REELD1: variants seen among roughly 807,000 people sequenced by gnomAD.
REELD1 encodes the protein reelin domain-containing protein 1.
REELD1 carries 12 observed loss-of-function variants against 6.3 expected under a neutral mutation model. The ratio of observed to expected loss-of-function variants is 1.89; its 90% confidence interval spans 1.21 to 3.07. The LOEUF (loss-of-function observed/expected upper bound fraction) is 3.07. Ranked by LOEUF, REELD1 falls within the 30% of genes most tolerant of loss-of-function variation. The pLI, the probability that REELD1 is intolerant of heterozygous loss-of-function variation, is 0.00. For missense variants in REELD1, 163 were observed against 86.8 expected, an observed-to-expected ratio of 1.88 and a Z score of -3.49; for synonymous variants, 57 against 33.6, an observed-to-expected ratio of 1.70 and a Z score of -2.42.
rs141742943 is a variant in REELD1 at position 146,220,525 on chromosome 4, C to T, written c.209-1832C>T. Among the ~76,000 whole-genome samples the T allele has an allele frequency of 4.5e-3, 679 of 152,254 alleles. 1 individual carries two copies. Among genetic ancestry groups the T allele is most frequent in the African/African-American group, 0.015 (636 of 41,570 alleles). On this transcript the variant is annotated intron_variant, in intron 3 of 7. Transcript: ENST00000623665. ...AGTTTCTGCTTTGGGTGAAGCCATT[C>T]AATGACATCATCTAGATCCTAAGAT...
rs1388411577 is a variant in REELD1, at chr4:146,224,525, C to G, written c.512C>G (p.Ala171Gly). 1.4e-6 allele frequency: 1 copy of G among 701,702 alleles called. No individual in the cohort carries two copies. Among genetic ancestry groups the G allele is most frequent in the Non-Finnish European group, 2.6e-6 (1 of 384,832 alleles). The allele number at this position is 701,702 out of a possible 1,614,324, so 43.5% of individuals were successfully genotyped here. The change falls in exon 5 of 8, where the codon GCC (alanine) becomes GGC (glycine). Residue 171 changes from alanine (A) to glycine (G), a missense_variant. Ala to Gly is a moderately conservative substitution (Grantham distance 60, BLOSUM62 0). Coordinates refer to ENST00000623665, the MANE Select transcript of REELD1 (RefSeq NM_001354631.1). ...GTGTCTCAACAGACACATAGCAGCG[C>G]CCATTCTGACGACCGCATGGAGCCC... is the stretch of plus-strand genomic sequence containing the variant. Reference protein sequence around the residue: ...SVVSQQTHSSAHSDDRMEPRL... With the variant: ...SVVSQQTHSSGHSDDRMEPRL...
intron 6 of REELD1, 101 bp from the exon 7 acceptor site, chr4:146,228,924 G>GT: frequency 1.5e-6 from 1 of 675,152 alleles, no homozygotes; most frequent in Non-Finnish European, 2.7e-6. Context: ...AGTTTTTCAA[G>GT]TGAATCTGTT....
rs1731124531 is a variant in REELD1 at position 146,231,116 on chromosome 4, CAA to C, written c.*605_*606del. On this transcript the variant is annotated 3_prime_UTR_variant, in exon 8 of 8. Transcript: ENST00000623665. The stretch of plus-strand genomic sequence containing the variant: ...GGCAAATCCGCCATGGAAATTGATC[CAA>C]AGTCAGGAAAGTTTTTGAGAGCTTG... Among the ~76,000 whole-genome samples the C allele has an allele frequency of 6.6e-6, 1 of 152,188 alleles. No individual in the cohort carries two copies. Among genetic ancestry groups the C allele is most frequent in the Admixed American group, 6.5e-5 (1 of 15,286 alleles).
rs1396473025 is a variant in REELD1 at position 146,231,596 on chromosome 4, G to A, written c.*1083G>A. Reference sequence around the variant, plus strand: ...CCTATTATAGAGTCATCATTTTAATGCAGAAACAAAAATCACTACAAATTC... The same window carrying A: ...CCTATTATAGAGTCATCATTTTAATACAGAAACAAAAATCACTACAAATTC... On this transcript the variant is annotated 3_prime_UTR_variant, in exon 8 of 8. Transcript: ENST00000623665. 6.6e-6 allele frequency among the ~76,000 whole-genome samples: 1 copy of A among 152,136 alleles called. No individual in the cohort carries two copies. The highest frequency in any genetic ancestry group is 1.9e-4 in the East Asian group (1 of 5,196).
rs749141433 is a variant in REELD1, at chr4:146,216,823, A to G, written c.-11-119A>G. 2.8e-5 allele frequency: 11 copies of G among 397,382 alleles called. 1 individual carries two copies. The highest frequency in any genetic ancestry group is 2.7e-5 in the Non-Finnish European group (6 of 225,908). 24.6% of individuals were successfully genotyped at this position (397,382 alleles called of 1,614,324 possible). A position where few individuals can be genotyped will look rare whatever the true frequency, so the allele number is the denominator to read the frequency against. On this transcript the variant is annotated intron_variant, in intron 2 of 7. Coordinates refer to ENST00000623665, the MANE Select transcript of REELD1 (RefSeq NM_001354631.1). ...AACATTAGCAATCCTGGGAGGCTGC[A>G]CTAAAAGCATCTCAGGTACAGAGGC...
chr4:146,223,264 GGTA>G (rs1730957116), intron 4 of REELD1, among the ~76,000 whole-genome samples: 1 of 152,320 alleles, frequency 6.6e-6, no homozygotes, highest in African/African-American at 2.4e-5. Context: ...TGCAGGCAGA[GGTA>G]GTCCAGCTCA....
rs951537359 is a variant in REELD1 at position 146,230,381 on chromosome 4, G to T, written c.1449G>T (p.Ser483=). Residue 483 remains serine, a synonymous_variant, in exon 8 of 8, where the codon TCG becomes TCT. Transcript: ENST00000623665. ...AAGTGTCTTTCAGTGAGCCCGCTTC[G>T]GATGCTGTTGCCAGGAGCAACAGTG... ...QTEVSFSEPA[S]DAVARSNSGE... is the part of the protein sequence containing the mutation. The T allele has an allele frequency of 5.0e-6, 2 of 398,656 alleles. No homozygotes were observed. Among genetic ancestry groups the T allele is most frequent in the Middle Eastern group, 6.2e-4 (1 of 1,610 alleles). 24.7% of individuals were successfully genotyped at this position (398,656 alleles called of 1,614,324 possible). A position where few individuals can be genotyped will look rare whatever the true frequency, so the allele number is the denominator to read the frequency against.
At chr4:146,214,843 T>A (rs1432855903) in intron 1 of REELD1, 149 bp downstream of exon 1, 4 of 151,516 alleles carry the variant, frequency 2.6e-5, no homozygotes, top group Admixed American at 2.0e-4. Flanking sequence ...CATGCTCAGC[T>A]CCAAGTGGAT....
chr4:146,222,526 C>A lies in REELD1; in HGVS notation c.378C>A (p.Asn126Lys), dbSNP rs912549557. Reference sequence around the variant, plus strand: ...ACTCTGACAAGTCCCTGAAGAGAAACCTGTCATTCGTGTGGAAGGCCCCAG... The same window carrying A: ...ACTCTGACAAGTCCCTGAAGAGAAAACTGTCATTCGTGTGGAAGGCCCCAG... Reference protein sequence around the residue: ...VTHSDKSLKRNLSFVWKAPAQ... With the variant: ...VTHSDKSLKRKLSFVWKAPAQ... The change falls in exon 4 of 8, where the codon AAC becomes AAA. Residue 126 changes from asparagine to lysine, a missense_variant. Coordinates refer to ENST00000623665, the MANE Select transcript of REELD1 (RefSeq NM_001354631.1). The A allele has an allele frequency of 2.5e-6, 1 of 398,494 alleles. No individual in the cohort carries two copies. Among genetic ancestry groups the A allele is most frequent in the African/African-American group, 2.1e-5 (1 of 48,630 alleles). The allele number at this position is 398,494 out of a possible 1,614,324, so 24.7% of individuals were successfully genotyped here. A position where few individuals can be genotyped will look rare whatever the true frequency, so the allele number is the denominator to read the frequency against.
chr4:146,216,459 A>C (rs1185285509), intron 2 of REELD1, among the ~76,000 whole-genome samples: 1 of 152,210 alleles, frequency 6.6e-6, no homozygotes, highest in Non-Finnish European at 1.5e-5. Context: ...TGTAGCACTT[A>C]ACTTGGTAAT....
rs1340803579 is a variant in REELD1, at chr4:146,230,481, CCTT to C, written c.1552_1554del (p.Ser518del). The C allele has an allele frequency of 7.5e-6, 3 of 398,570 alleles. No individual in the cohort carries two copies. The highest frequency in any genetic ancestry group is 6.2e-5 in the African/African-American group (3 of 48,646). The allele number at this position is 398,570 out of a possible 1,614,324, so 24.7% of individuals were successfully genotyped here. A position where few individuals can be genotyped will look rare whatever the true frequency, so the allele number is the denominator to read the frequency against. On this transcript the variant is annotated inframe_deletion, in exon 8 of 8. Transcript: ENST00000623665. ...TCAAGCAGAGTACAACTGGATCACT[CCTT>C]CTGTGGGTAGCAAGAAAACAGTCCT...
At chr4:146,221,889 AT>A (rs1418452303) in intron 3 of REELD1, among the ~76,000 whole-genome samples, 1 of 151,798 alleles carries the variant, frequency 6.6e-6, no homozygotes, top group East Asian at 1.9e-4. Context: ...AGCTTTTTTT[AT>A]TTCTGTTTGT....
intron 5 of REELD1, among the ~76,000 whole-genome samples, chr4:146,227,679 T>C (rs1731048211): frequency 6.6e-6 from 1 of 152,230 alleles, no homozygotes; most frequent in African/African-American, 2.4e-5. Context: ...AAGCTCTTTC[T>C]CATGCTCTGG....
At position 146,231,590 on chromosome 4, in the gene REELD1, T is replaced by G. The variant is rs114177174; in HGVS notation, c.*1077T>G. Among the ~76,000 whole-genome samples the G allele has an allele frequency of 3.1e-3, 468 of 152,350 alleles. 4 individuals are homozygous for G. Among genetic ancestry groups the G allele is most frequent in the Middle Eastern group, 0.014 (4 of 294 alleles). On this transcript the variant is annotated 3_prime_UTR_variant, in exon 8 of 8. Coordinates refer to ENST00000623665, the MANE Select transcript of REELD1 (RefSeq NM_001354631.1). ...GTGAAACCTATTATAGAGTCATCAT[T>G]TTAATGCAGAAACAAAAATCACTAC...
Position 146,216,973 on chromosome 4 carries a change from C to A in REELD1, c.21C>A (p.Leu7=), listed in dbSNP as rs778385556. 7.5e-6 allele frequency: 3 copies of A among 398,548 alleles called. No individual in the cohort carries two copies. Among genetic ancestry groups the A allele is most frequent in the African/African-American group, 6.2e-5 (3 of 48,628 alleles). 24.7% of individuals were successfully genotyped at this position (398,548 alleles called of 1,614,324 possible). The change falls in exon 3 of 8, where the codon CTC becomes CTA. Residue 7 remains leucine (L), a synonymous_variant. Transcript: ENST00000623665. The part of the protein sequence containing the change: MRMQAA[L]VGWACTTLCL... Reference sequence around the variant, plus strand: ...GCAGGATGAGGATGCAGGCTGCCCTCGTGGGCTGGGCTTGTACCACCCTCT... The same window carrying A: ...GCAGGATGAGGATGCAGGCTGCCCTAGTGGGCTGGGCTTGTACCACCCTCT...
chr4:146,228,676 C>G (rs1731071975), intron 6 of REELD1, among the ~76,000 whole-genome samples, 154 bp downstream of exon 6: 1 of 152,146 alleles, frequency 6.6e-6, no homozygotes, highest in South Asian at 2.1e-4. Context: ...GTCAGAAGGA[C>G]TGGGTATGTT....
chr4:146,215,471 GTCT>G (rs1373662880), intron 2 of REELD1, among the ~76,000 whole-genome samples: 1 of 152,194 alleles, frequency 6.6e-6, no homozygotes, highest in Non-Finnish European at 1.5e-5. Flanking sequence ...TCATATTCCT[GTCT>G]TCTTTTAGCT....
chr4:146,219,601 C>T (rs933288813), intron 3 of REELD1, among the ~76,000 whole-genome samples: 3 of 152,194 alleles, frequency 2.0e-5, no homozygotes, highest in Admixed American at 1.3e-4. Flanking sequence ...TTTAGCCACT[C>T]ATTCCCTTGA....
At chr4:146,228,566 G>A (rs1333055061) in intron 6 of REELD1, 44 bp downstream of exon 6, 1 of 666,780 alleles carries the variant, frequency 1.5e-6, no homozygotes, top group Non-Finnish European at 2.7e-6. Flanking sequence ...GATGGGACTA[G>A]GATGAACACT....
Sources: gnomAD v4.1 joint callset for allele counts (sites outside exome capture counted in the v4.1 genomes callset) on GRCh38, gnomAD v4.1.1 for gene constraint, MANE v1.5 for transcripts, NCBI Gene and HGNC (gene_info 2026-07-23, HGNC 2026-07-21) for gene names.